The following SPTB variants were observed in gnomAD, a reference collection of about 807,000 sequenced individuals.
The protein encoded by SPTB is spectrin beta chain, erythrocytic.
Under a neutral mutation model 256.2 loss-of-function variants are expected in SPTB, and 45 were observed. The ratio of observed to expected loss-of-function variants is 0.18; its 90% CI spans 0.14 to 0.23. The LOEUF (loss-of-function observed/expected upper bound fraction) is 0.23. Ranked by LOEUF, SPTB falls within the 10% of genes least tolerant of loss-of-function variation. The probability of loss-of-function intolerance (pLI) is 1.00; values close to 1 mark genes in which losing one functional copy is unlikely to be tolerated. For missense variants in SPTB, 2,715 were observed against 3,040.4 expected (o/e 0.89, Z 2.52); for synonymous variants, 1,231 against 1,243.1 (o/e 0.99, Z 0.21).
In SPTB at chr14:64,802,322, G is replaced by A. The variant is rs374135725; in HGVS notation, c.475-5C>T. 94 of 1,613,970 alleles carry A rather than the reference G, an allele frequency of 5.8e-5. 1 individual carries two copies. In the African/African-American group the frequency reaches 1.1e-3, roughly 20 times the overall value. ...TTGGACCACAATGTCCTGAATCTGA[G>A]GGTAGCAGAACAAGAGAGATTTGAA... On this transcript the variant is annotated splice_polypyrimidine_tract_variant and splice_region_variant and intron_variant, in intron 4 of 35. Transcript: ENST00000644917. This position sits in a 1 kb window ranked among gnomAD's most constrained non-coding sequence, Gnocchi z 5.1.
rs78459089 is a variant in SPTB at position 64,767,368 on chromosome 14, G to T, written c.6220-16C>A. The T allele has an allele frequency of 3.0e-3, 4,904 of 1,613,162 alleles. 33 individuals are homozygous for T. Among genetic ancestry groups the T allele is most frequent in the African/African-American group, 0.014 (1,085 of 75,028 alleles). On this transcript the variant is annotated splice_polypyrimidine_tract_variant and intron_variant, in intron 30 of 35. Transcript: ENST00000644917. ...TCAGCTCAAGCTAGAGGAGGAGAAG[G>T]CCCAGGGGTCAGAGCAGCCACAGAG... is the stretch of plus-strand genomic sequence containing the variant.
At chr14:64,856,008 G>C (rs545814814) in intron 1 of SPTB, among the ~76,000 whole-genome samples, 3 of 152,370 alleles carry the variant, frequency 2.0e-5, no homozygotes, top group Non-Finnish European at 4.4e-5. Context: ...GAGGAGTGAG[G>C]CCTGGCAGAT....
chr14:64,828,688 C>T (rs1430918726), intron 1 of SPTB, among the ~76,000 whole-genome samples: 3 of 152,206 alleles, frequency 2.0e-5, no homozygotes, highest in Non-Finnish European at 4.4e-5. Flanking sequence ...TCTCTCAACT[C>T]ACTTCTTTCA....
rs2082335560 is a variant in SPTB, at chr14:64,775,001, C to T, written c.4842+124G>A. Reference sequence around the variant, plus strand: ...GGGAGGGCAGGGAGTCTGTGGGTTCCTTGTGCCCCTCCCCTGGCCTCACTC... The same window carrying T: ...GGGAGGGCAGGGAGTCTGTGGGTTCTTTGTGCCCCTCCCCTGGCCTCACTC... On this transcript the variant is annotated intron_variant, in intron 23 of 35. Transcript: ENST00000644917. The surrounding 1 kb of genome is among the most constrained non-coding windows in gnomAD (Gnocchi z 5.0). 1.4e-6 allele frequency: 2 copies of T among 1,407,772 alleles called. No individual in the cohort carries two copies. The highest frequency in any genetic ancestry group is 1.2e-5 in the South Asian group (1 of 84,284). The allele number at this position is 1,407,772 out of a possible 1,614,324, so 87.2% of individuals were successfully genotyped here. A position where few individuals can be genotyped will look rare whatever the true frequency, so the allele number is the denominator to read the frequency against.
chr14:64,826,765 C>T lies in SPTB; in HGVS notation c.-51-3620G>A, dbSNP rs906128428. Among the ~76,000 whole-genome samples the T allele has an allele frequency of 4.6e-5, 7 of 152,102 alleles. No homozygotes were observed. The highest frequency in any genetic ancestry group is 2.9e-5 in the Non-Finnish European group (2 of 68,034). On this transcript the variant is annotated intron_variant, in intron 1 of 35. Coordinates refer to ENST00000644917, the MANE Select transcript of SPTB (RefSeq NM_001355436.2). The surrounding 1 kb of genome is among the most constrained non-coding windows in gnomAD (Gnocchi z 4.4). Reference sequence around the variant, plus strand: ...GCCCAGAGAGGTCCACCTGCCCCATCCATCCATCCACCTGCCCGTCTAGCA... The same window carrying T: ...GCCCAGAGAGGTCCACCTGCCCCATTCATCCATCCACCTGCCCGTCTAGCA...
intron 3 of SPTB, 64 bp from the exon 4 acceptor site, chr14:64,803,844 C>A: frequency 6.6e-7 from 1 of 1,526,284 alleles, no homozygotes. Context: ...GAGGCTGCAG[C>A]GTGGACCAGC....
chr14:64,822,885 G>C, intron 2 of SPTB, 62 bp downstream of exon 2: 1 of 1,602,272 alleles, frequency 6.2e-7, no homozygotes, highest in Non-Finnish European at 8.5e-7. Flanking sequence ...CACTAGGTGG[G>C]GAGGGCTGTG....
chr14:64,752,111 CAAAACACAAAA>C lies in SPTB; in HGVS notation c.6602+1415_6602+1425del, dbSNP rs2081960649. On this transcript the variant is annotated intron_variant, in intron 33 of 35. Coordinates refer to ENST00000644917, the MANE Select transcript of SPTB (RefSeq NM_001355436.2). ...TCTGTCTAAACAAAACAAAACAAAA[CAAAACACAAAA>C]AAAGACAAATAGGGCTCATGTCAAC... is the stretch of plus-strand genomic sequence containing the variant. The C allele has an allele frequency of 2.5e-6, 3 of 1,189,868 alleles. No homozygotes were observed. The African/African-American group carries it at 4.9e-5, about 19-fold the overall frequency. The allele number at this position is 1,189,868 out of a possible 1,614,324, so 73.7% of individuals were successfully genotyped here. A position where few individuals can be genotyped will look rare whatever the true frequency, so the allele number is the denominator to read the frequency against.
intron 30 of SPTB, 44 bp from the exon 31 acceptor site, chr14:64,767,396 G>C: frequency 1.2e-6 from 2 of 1,612,292 alleles, no homozygotes; most frequent in Non-Finnish European, 1.7e-6. Context: ...CCACAGAGGC[G>C]AGTTGTGTTC....
intron 2 of SPTB, among the ~76,000 whole-genome samples, chr14:64,809,380 C>A (rs1566778686): frequency 6.6e-6 from 1 of 150,806 alleles, no homozygotes; most frequent in Non-Finnish European, 1.5e-5. Context: ...GAGTCTCGCT[C>A]TGTTGCCTAG....
In SPTB at chr14:64,753,597, A is replaced by G. The variant is rs747685779; in HGVS notation, c.6542T>C (p.Met2181Thr). 6.2e-7 allele frequency: 1 copy of G among 1,613,592 alleles called. No individual in the cohort carries two copies. Among genetic ancestry groups the G allele is most frequent in the South Asian group, 1.1e-5 (1 of 91,082 alleles). Residue 2181 changes from methionine to threonine, a missense_variant, in exon 33 of 36, where the codon ATG (methionine) becomes ACG (threonine). Met to Thr is a moderately conservative substitution (Grantham distance 81). Transcript: ENST00000644917. Reference protein sequence around the residue: ...APRDHGQSVQMEGYLGRKHDL... With the variant: ...APRDHGQSVQTEGYLGRKHDL... ...ATGCTTGCGGCCCAGGTAGCCTTCC[A>G]TCTGCACACTCTGCCCATGGTCCCG...
rs1186157485 is a variant in SPTB, at chr14:64,826,060, GC to G, written c.-51-2916del. ...AAGATGATTCAGAAATGAAAGTGAG[GC>G]CCCTTTCCTTGTGCCCTCTTCCCCT... On this transcript the variant is annotated intron_variant, in intron 1 of 35. Coordinates refer to ENST00000644917, the MANE Select transcript of SPTB (RefSeq NM_001355436.2). The surrounding 1 kb of genome is among the most constrained non-coding windows in gnomAD (Gnocchi z 4.4). Among the ~76,000 whole-genome samples, 1 of 152,170 alleles carries G rather than the reference GC, an allele frequency of 6.6e-6. No homozygotes were observed. The highest frequency in any genetic ancestry group is 1.5e-5 in the Non-Finnish European group (1 of 68,038).
intron 9 of SPTB, 50 bp downstream of exon 9, chr14:64,799,697 T>C: frequency 6.2e-7 from 1 of 1,607,806 alleles, no homozygotes; most frequent in Non-Finnish European, 8.5e-7. Flanking sequence ...CTTTTGGTGG[T>C]CAGTTTCCCA....
At position 64,759,509 on chromosome 14, in the gene SPTB, C is replaced by G. The variant is rs904641863; in HGVS notation, c.6346-5716G>C. Among the ~76,000 whole-genome samples, 10 of 152,204 alleles carry G rather than the reference C, an allele frequency of 6.6e-5. No homozygotes were observed. The highest frequency in any genetic ancestry group is 1.9e-4 in the African/African-American group (8 of 41,456). The stretch of plus-strand genomic sequence containing the variant: ...AGAGGGGATGAGGGGAGGCTGCCCC[C>G]CTGTAAGCAGGCCATGGTCTGAGGT... On this transcript the variant is annotated intron_variant, in intron 32 of 35. Coordinates refer to ENST00000644917, the MANE Select transcript of SPTB (RefSeq NM_001355436.2). This position sits in a 1 kb window ranked among gnomAD's most constrained non-coding sequence, Gnocchi z 4.8.
Position 64,749,361 on chromosome 14 carries a change from C to A in SPTB, c.6932G>T (p.Ser2311Ile). 1 of 1,610,740 alleles carries A rather than the reference C, an allele frequency of 6.2e-7. No homozygotes were observed. Residue 2311 changes from serine to isoleucine, a missense_variant, in exon 36 of 36, where the codon AGC becomes ATC. Physicochemically the swap from Ser to Ile is moderately radical, Grantham distance 142. Transcript: ENST00000644917. This position sits in a 1 kb window ranked among gnomAD's most constrained non-coding sequence, Gnocchi z 4.7. The stretch of plus-strand genomic sequence containing the variant: ...CTTCTCCTTGTCTTTCTTGCCGAGG[C>A]TGGCGTCGGGGCCGGAGAGGGAAGG... ...PLPSLSGPDA[S>I]LGKKDKEKRF...
Position 64,772,484 on chromosome 14 carries a change from T to C in SPTB, c.5553+96A>G. Reference sequence around the variant, plus strand: ...CTAAGGAGGCAAAACCTCCTGGCACTTATCCTAGAGGTTTTCCTGCTGACA... The same window carrying C: ...CTAAGGAGGCAAAACCTCCTGGCACCTATCCTAGAGGTTTTCCTGCTGACA... On this transcript the variant is annotated intron_variant, in intron 26 of 35. Coordinates refer to ENST00000644917, the MANE Select transcript of SPTB (RefSeq NM_001355436.2). The surrounding 1 kb of genome is among the most constrained non-coding windows in gnomAD (Gnocchi z 5.4). 5 of 1,526,626 alleles carry C rather than the reference T, an allele frequency of 3.3e-6. No homozygotes were observed. Among genetic ancestry groups the C allele is most frequent in the East Asian group, 2.4e-5 (1 of 42,086 alleles). 94.6% of individuals were successfully genotyped at this position (1,526,626 alleles called of 1,614,324 possible). A position where few individuals can be genotyped will look rare whatever the true frequency, so the allele number is the denominator to read the frequency against.
At chr14:64,803,563 G>C (rs2082928214) in intron 4 of SPTB, 44 bp downstream of exon 4, 1 of 1,611,772 alleles carries the variant, frequency 6.2e-7, no homozygotes. Context: ...GCCCTGGGCA[G>C]CCTTGAGGGC....
intron 32 of SPTB, chr14:64,755,258 C>A (rs2082004316): frequency 6.6e-6 from 1 of 152,210 alleles, no homozygotes; most frequent in Non-Finnish European, 1.5e-5. Flanking sequence ...GATGTGGGCC[C>A]CATGTTGGAC....
At chr14:64,814,635 C>T (rs2139673370) in intron 2 of SPTB, among the ~76,000 whole-genome samples, 1 of 152,280 alleles carries the variant, frequency 6.6e-6, no homozygotes, top group South Asian at 2.1e-4. Flanking sequence ...TGTGCCTCAG[C>T]CTCCCGAGTA....
Sources: allele counts gnomAD v4.1 joint callset (sites outside exome capture counted in the v4.1 genomes callset), GRCh38; gene constraint gnomAD v4.1.1; non-coding constraint Gnocchi (gnomAD v3.1); transcripts MANE v1.5; gene names NCBI Gene and HGNC (gene_info 2026-07-23, HGNC 2026-07-21).